Variants in PTPRE observed in about 807,000 individuals in gnomAD.
PTPRE encodes protein tyrosine phosphatase receptor type E.
PTPRE carries 51 observed loss-of-function variants against 102.0 expected under a neutral mutation model. That is an observed-to-expected ratio of 0.50 (90% CI 0.40 to 0.63). PTPRE has a LOEUF of 0.63. Ranked by LOEUF, PTPRE falls within the 30% of genes least tolerant of loss-of-function variation. The pLI is 0.00. For missense variants in PTPRE, 752 were observed against 915.1 expected, an observed-to-expected ratio of 0.82 and a Z score of 2.30; for synonymous variants, 345 against 348.2, an observed-to-expected ratio of 0.99 and a Z score of 0.10.
In PTPRE at chr10:128,085,264, C is replaced by T. The variant is rs560465399; in HGVS notation, c.*2358C>T. 2.2e-5 allele frequency: 7 copies of T among 320,088 alleles called. No individual in the cohort carries two copies. The highest frequency in any genetic ancestry group is 1.2e-4 in the South Asian group (5 of 41,306). 19.8% of individuals were successfully genotyped at this position (320,088 alleles called of 1,614,324 possible). On this transcript the variant is annotated 3_prime_UTR_variant, in exon 21 of 21. Transcript: ENST00000254667. ...TCCCTGAGGGACTCAGAATCTTCTC[C>T]GTGCAACCTGGAAAGTTCATCTCTT... is the stretch of plus-strand genomic sequence containing the variant.
chr10:128,078,661 A>G (rs2136075356), intron 19 of PTPRE, among the ~76,000 whole-genome samples: 1 of 151,852 alleles, frequency 6.6e-6, no homozygotes, highest in African/African-American at 2.4e-5. Flanking sequence ...ACCGGGGTGC[A>G]CTCCTGGCCT....
At chr10:128,054,395 G>C (rs1412639839) in intron 6 of PTPRE, among the ~76,000 whole-genome samples, 1 of 152,038 alleles carries the variant, frequency 6.6e-6, no homozygotes, top group Non-Finnish European at 1.5e-5. Flanking sequence ...AAAAGAGAAG[G>C]CTCTAGAATT....
chr10:128,056,323 A>C, intron 7 of PTPRE, 110 bp downstream of exon 7: 3 of 875,194 alleles, frequency 3.4e-6, no homozygotes, highest in Non-Finnish European at 5.5e-6. Flanking sequence ...GAGGCCCCAA[A>C]TCAGTCTAAC....
intron 1 of PTPRE, among the ~76,000 whole-genome samples, chr10:127,940,516 GGC>G (rs1391113590): frequency 3.9e-5 from 6 of 152,086 alleles, no homozygotes; most frequent in African/African-American, 1.4e-4. Flanking sequence ...GTCCTGCACT[GGC>G]AGAGTCCCCC....
intron 1 of PTPRE, among the ~76,000 whole-genome samples, chr10:127,909,489 T>C (rs147354121): frequency 0.011 from 1,602 of 152,266 alleles, 31 homozygotes; most frequent in African/African-American, 0.034. Context: ...CGGCCACTCC[T>C]CTGTAGTTCT....
At chr10:128,035,900 C>T (rs569703399) in intron 2 of PTPRE, among the ~76,000 whole-genome samples, 133 of 152,290 alleles carry the variant, frequency 8.7e-4, no homozygotes, top group African/African-American at 3.1e-3. Context: ...ACAAGACAGC[C>T]CCTACACTCT....
In PTPRE at chr10:127,985,215, C is replaced by G. The variant is rs1003375924; in HGVS notation, c.-8+2919C>G. On this transcript the variant is annotated intron_variant, in intron 2 of 20. Coordinates refer to ENST00000254667, the MANE Select transcript of PTPRE (RefSeq NM_006504.6). ...CATCAGCCTGTGCAAGCCTTCTTTT[C>G]TCTCATCTATCCATCACTTCCTAGG... is the stretch of plus-strand genomic sequence containing the variant. 2.0e-5 allele frequency among the ~76,000 whole-genome samples: 3 copies of G among 152,244 alleles called. No homozygotes were observed. In the East Asian group the frequency reaches 5.8e-4, roughly 29 times the overall value.
In PTPRE at chr10:128,085,321, A is replaced by G. The variant is rs1216188105; in HGVS notation, c.*2415A>G. 1.0e-5 allele frequency: 3 copies of G among 295,150 alleles called. No individual in the cohort carries two copies. The highest frequency in any genetic ancestry group is 8.3e-5 in the Admixed American group (2 of 24,066). 18.3% of individuals were successfully genotyped at this position (295,150 alleles called of 1,614,324 possible). ...TTCAGTCAAAGAAAGTCCATTGTAC[A>G]TAACAAAACAGCCCCCAAACAGCCC... On this transcript the variant is annotated 3_prime_UTR_variant, in exon 21 of 21. Coordinates refer to ENST00000254667, the MANE Select transcript of PTPRE (RefSeq NM_006504.6).
chr10:127,941,376 C>T (rs1764896206), intron 1 of PTPRE, among the ~76,000 whole-genome samples: 2 of 152,180 alleles, frequency 1.3e-5, no homozygotes, highest in African/African-American at 4.8e-5. Context: ...GGAGGTGTCA[C>T]AAATGCAAGA....
At chr10:128,060,821 T>A in intron 7 of PTPRE, 118 bp from the exon 8 acceptor site, 1 of 936,490 alleles carries the variant, frequency 1.1e-6, no homozygotes, top group Non-Finnish European at 1.7e-6. Flanking sequence ...GTGAAGCTGC[T>A]TTTGCCCTTC....
At chr10:128,068,532 A>C in intron 12 of PTPRE, 1 of 360,712 alleles carries the variant, frequency 2.8e-6, no homozygotes, top group East Asian at 4.8e-5. Flanking sequence ...GATGGTGGGA[A>C]TGGAGTTCTG....
At chr10:127,933,606 C>G (rs1847602001) in intron 1 of PTPRE, among the ~76,000 whole-genome samples, 1 of 152,192 alleles carries the variant, frequency 6.6e-6, no homozygotes, top group Admixed American at 6.5e-5. Flanking sequence ...CTAGGACTTT[C>G]CTTGCAAGCA....
At chr10:127,999,991 G>A in intron 2 of PTPRE, 1 of 982,560 alleles carries the variant, frequency 1.0e-6, no homozygotes, top group Non-Finnish European at 1.2e-6. Context: ...CAGCGCAGAC[G>A]CGGAAAGGGA....
intron 1 of PTPRE, among the ~76,000 whole-genome samples, chr10:127,949,133 G>A (rs756151217): frequency 9.8e-5 from 15 of 152,292 alleles, no homozygotes; most frequent in Non-Finnish European, 1.3e-4. Context: ...CAACACCTTC[G>A]CTGGTTCTGC....
intron 1 of PTPRE, among the ~76,000 whole-genome samples, chr10:127,957,867 G>A (rs978103569): frequency 1.3e-5 from 2 of 152,146 alleles, no homozygotes; most frequent in Admixed American, 6.5e-5. Context: ...GTTGTTATTT[G>A]ATTTCTTTCA....
intron 1 of PTPRE, among the ~76,000 whole-genome samples, chr10:127,960,364 A>G (rs925976816): frequency 5.9e-5 from 9 of 152,346 alleles, no homozygotes; most frequent in African/African-American, 2.2e-4. Context: ...AAACCCCTCT[A>G]TCGTTAATAG....
At chr10:127,951,886 A>G (rs1386465423) in intron 1 of PTPRE, among the ~76,000 whole-genome samples, 2 of 152,254 alleles carry the variant, frequency 1.3e-5, no homozygotes, top group African/African-American at 2.4e-5. Context: ...ACAGTGAATT[A>G]TGATAAGCTT....
intron 1 of PTPRE, among the ~76,000 whole-genome samples, chr10:127,945,023 G>A (rs564651758): frequency 3.2e-4 from 48 of 152,256 alleles, no homozygotes; most frequent in East Asian, 1.4e-3. Context: ...GGGATGGATC[G>A]TTGTGACTGT....
intron 2 of PTPRE, among the ~76,000 whole-genome samples, chr10:128,031,603 C>G (rs1846762186): frequency 6.6e-6 from 1 of 152,210 alleles, no homozygotes; most frequent in South Asian, 2.1e-4. Flanking sequence ...CACATCTCTT[C>G]TGAGTGAGCA....
Sources: gnomAD v4.1 joint callset for allele counts (sites outside exome capture counted in the v4.1 genomes callset) on GRCh38, gnomAD v4.1.1 for gene constraint, MANE v1.5 for transcripts, NCBI Gene and HGNC (gene_info 2026-07-23, HGNC 2026-07-21) for gene names.